IGF1R: variants seen among roughly 807,000 people sequenced by gnomAD.
IGF1R encodes insulin-like growth factor 1 receptor.
IGF1R carries 44 observed loss-of-function variants against 144.6 expected under a neutral mutation model. The ratio of observed to expected loss-of-function variants is 0.30; its 90% CI spans 0.24 to 0.39. IGF1R has a LOEUF of 0.39. Among genes scored for constraint, IGF1R ranks in the 10% least tolerant of loss-of-function variants. IGF1R has a pLI of 1.00. For synonymous variants in IGF1R, 795 were observed against 722.8 expected, an observed-to-expected ratio of 1.10 and a Z score of -1.60; for missense variants, 1,355 against 1,833.7, an observed-to-expected ratio of 0.74 and a Z score of 4.77.
In IGF1R at chr15:98,934,908, A is replaced by C; in HGVS notation, c.3041A>C (p.Tyr1014Ser). 1 of 1,614,158 alleles carries C rather than the reference A, an allele frequency of 6.2e-7. No homozygotes were observed. Among genetic ancestry groups the C allele is most frequent in the Non-Finnish European group, 8.5e-7 (1 of 1,180,020 alleles). ...ELGQGSFGMV[Y>S]EGVAKGVVKD... Reference sequence around the variant, plus strand: ...GGGCAGGGGTCGTTTGGGATGGTCTATGAAGGAGTTGCCAAGGGTGTGGTG... The same window carrying C: ...GGGCAGGGGTCGTTTGGGATGGTCTCTGAAGGAGTTGCCAAGGGTGTGGTG... Residue 1014 changes from tyrosine to serine, a missense_variant, in exon 16 of 21, where the codon TAT becomes TCT. By Grantham distance (144) the Tyr-to-Ser change is moderately radical. Coordinates refer to ENST00000650285, the MANE Select transcript of IGF1R (RefSeq NM_000875.5).
intron 2 of IGF1R, among the ~76,000 whole-genome samples, chr15:98,718,344 G>A (rs1056543025): frequency 7.2e-5 from 11 of 152,192 alleles, no homozygotes; most frequent in Non-Finnish European, 1.0e-4. Context: ...TGATACCCAT[G>A]GCCTTGTTTA....
chr15:98,831,475 C>T (rs2057000775), intron 2 of IGF1R, among the ~76,000 whole-genome samples: 2 of 152,220 alleles, frequency 1.3e-5, no homozygotes, highest in South Asian at 2.1e-4. Flanking sequence ...ATCCACATTC[C>T]GATCTTGATG....
intron 1 of IGF1R, among the ~76,000 whole-genome samples, chr15:98,692,102 G>A (rs12903262): frequency 1.7e-4 from 26 of 152,110 alleles, no homozygotes; most frequent in Non-Finnish European, 3.5e-4. Flanking sequence ...TTGGGAGTCC[G>A]AGGCGGGCAG....
intron 5 of IGF1R, among the ~76,000 whole-genome samples, chr15:98,905,085 C>A (rs1596422009): frequency 6.6e-6 from 1 of 152,292 alleles, no homozygotes; most frequent in Non-Finnish European, 1.5e-5. Flanking sequence ...TCAGTAAATG[C>A]TGGAGATGAG....
chr15:98,862,464 G>A (rs955702289), intron 2 of IGF1R, among the ~76,000 whole-genome samples: 1 of 152,162 alleles, frequency 6.6e-6, no homozygotes, highest in Non-Finnish European at 1.5e-5. Flanking sequence ...CCTCAACTTG[G>A]GATGCCCGGT....
intron 2 of IGF1R, among the ~76,000 whole-genome samples, chr15:98,777,650 C>T (rs1337019183): frequency 4.6e-5 from 7 of 152,180 alleles, no homozygotes; most frequent in South Asian, 4.1e-4. Flanking sequence ...CAGACACAAA[C>T]GTAGCTCTCC....
chr15:98,820,055 A>G (rs1440965675), intron 2 of IGF1R, among the ~76,000 whole-genome samples: 1 of 152,152 alleles, frequency 6.6e-6, no homozygotes, highest in Non-Finnish European at 1.5e-5. Context: ...GCGTTCACAA[A>G]CCACACTTTG....
intron 2 of IGF1R, among the ~76,000 whole-genome samples, chr15:98,843,454 G>A (rs1421928092): frequency 6.6e-6 from 1 of 152,068 alleles, no homozygotes; most frequent in Non-Finnish European, 1.5e-5. Flanking sequence ...TCTCTTATTG[G>A]TTTGTCTTAG....
rs1314681161 is a variant in IGF1R, at chr15:98,649,542, T to G, written c.-40T>G. 1.1e-5 allele frequency: 8 copies of G among 736,124 alleles called. No homozygotes were observed. The highest frequency in any genetic ancestry group is 7.3e-5 in the South Asian group (4 of 54,928). The allele number at this position is 736,124 out of a possible 1,614,324, so 45.6% of individuals were successfully genotyped here. A position where few individuals can be genotyped will look rare whatever the true frequency, so the allele number is the denominator to read the frequency against. On this transcript the variant is annotated 5_prime_UTR_variant, in exon 1 of 21. Transcript: ENST00000650285. Reference sequence around the variant, plus strand: ...TTTCTTTTCTTTTTTTTTTTTTTTTTTTTTTTTGAGAAAGGGGAATTTCAT... The same window carrying G: ...TTTCTTTTCTTTTTTTTTTTTTTTTGTTTTTTTGAGAAAGGGGAATTTCAT...
intron 2 of IGF1R, among the ~76,000 whole-genome samples, chr15:98,868,369 T>TGG (rs1179910852): frequency 1.1e-5 from 1 of 89,876 alleles, no homozygotes; most frequent in African/African-American, 3.5e-5. Flanking sequence ...GTTTTTTTTT[T>TGG]TGGGGGGGGG....
chr15:98,911,997 C>T (rs2015043898), intron 7 of IGF1R, among the ~76,000 whole-genome samples: 1 of 152,176 alleles, frequency 6.6e-6, no homozygotes. Context: ...GTGACTTCTC[C>T]TAGACTCTGT....
At position 98,917,100 on chromosome 15, in the gene IGF1R, C is replaced by T. The variant is rs918338410; in HGVS notation, c.2201+224C>T. The T allele has an allele frequency of 1.6e-5, 10 of 619,042 alleles. 1 individual carries two copies. Among genetic ancestry groups the T allele is most frequent in the Admixed American group, 1.6e-4 (7 of 43,962 alleles). 38.3% of individuals were successfully genotyped at this position (619,042 alleles called of 1,614,324 possible). ...CCAGGGCTTGGGTTGCTGGGGCCACCGGTGTGACAGGTACTGCTGTCTCAG... is the reference window on the plus strand; with the variant it reads ...CCAGGGCTTGGGTTGCTGGGGCCACTGGTGTGACAGGTACTGCTGTCTCAG... On this transcript the variant is annotated intron_variant, in intron 10 of 20. Coordinates refer to ENST00000650285, the MANE Select transcript of IGF1R (RefSeq NM_000875.5).
intron 2 of IGF1R, among the ~76,000 whole-genome samples, chr15:98,876,905 G>C (rs1286204004): frequency 1.3e-5 from 2 of 152,210 alleles, no homozygotes; most frequent in African/African-American, 4.8e-5. Flanking sequence ...TCTGCACAAT[G>C]TAAAAGGTAC....
At chr15:98,948,925 A>G (rs532627407) in intron 20 of IGF1R, among the ~76,000 whole-genome samples, 2 of 152,234 alleles carry the variant, frequency 1.3e-5, no homozygotes, top group Admixed American at 6.5e-5. Flanking sequence ...ATATTCCGTA[A>G]TGCTTTCGTT....
chr15:98,939,397 A>AG lies in IGF1R; in HGVS notation c.3457+37_3457+38insG, dbSNP rs748989863. 6 of 1,610,080 alleles carry AG rather than the reference A, an allele frequency of 3.7e-6. No individual in the cohort carries two copies. The South Asian group carries it at 6.6e-5, about 18-fold the overall frequency. On this transcript the variant is annotated intron_variant, in intron 18 of 20. Coordinates refer to ENST00000650285, the MANE Select transcript of IGF1R (RefSeq NM_000875.5). ...GCTTTCCAGGTCTGGGCAAGAACTA[A>AG]ACTCAGGTGTTTTGAGGACTTTGTT... is the stretch of plus-strand genomic sequence containing the variant.
In IGF1R at chr15:98,961,496, G is replaced by A. The variant is rs538731388; in HGVS notation, c.*4054G>A. ...TATACCAAGGCATCATCTATCCACAGTTCTAGCCTAACTTCATGCTGATTT... is the reference window on the plus strand; with the variant it reads ...TATACCAAGGCATCATCTATCCACAATTCTAGCCTAACTTCATGCTGATTT... On this transcript the variant is annotated 3_prime_UTR_variant, in exon 21 of 21. Transcript: ENST00000650285. The A allele has an allele frequency of 2.1e-5, 5 of 233,460 alleles. No homozygotes were observed. In the South Asian group the frequency reaches 9.1e-4, roughly 42 times the overall value. The allele number at this position is 233,460 out of a possible 1,614,324, so 14.5% of individuals were successfully genotyped here.
intron 1 of IGF1R, among the ~76,000 whole-genome samples, chr15:98,673,552 T>C (rs1041700532): frequency 2.0e-5 from 3 of 152,234 alleles, no homozygotes; most frequent in African/African-American, 7.2e-5. Context: ...TAACTCTTAG[T>C]AGCCTTACAG....
At chr15:98,856,471 G>T (rs1017365108) in intron 2 of IGF1R, among the ~76,000 whole-genome samples, 1 of 152,226 alleles carries the variant, frequency 6.6e-6, no homozygotes, top group African/African-American at 2.4e-5. Flanking sequence ...AACACTTAGC[G>T]TTGGGCCTGG....
Position 98,710,192 on chromosome 15 carries a change from T to C in IGF1R, c.640+2085T>C, listed in dbSNP as rs542428401. On this transcript the variant is annotated intron_variant, in intron 2 of 20. Coordinates refer to ENST00000650285, the MANE Select transcript of IGF1R (RefSeq NM_000875.5). ...ATCACCTGTTGGTTGGTCACCTGCT[T>C]CCCCAAGGCCACGCCCTGCAGCCTT... is the stretch of plus-strand genomic sequence containing the variant. Among the ~76,000 whole-genome samples, 3 of 152,232 alleles carry C rather than the reference T, an allele frequency of 2.0e-5. No individual in the cohort carries two copies. The South Asian group carries it at 6.2e-4, about 32-fold the overall frequency.
Sources: allele counts gnomAD v4.1 joint callset (sites outside exome capture counted in the v4.1 genomes callset), GRCh38; gene constraint gnomAD v4.1.1; transcripts MANE v1.5; gene names NCBI Gene and HGNC (gene_info 2026-07-23, HGNC 2026-07-21).